DAB1: variants seen among roughly 807,000 people sequenced by gnomAD.
DAB1 encodes the protein disabled homolog 1.
In DAB1, 15 loss-of-function variants were observed where a neutral mutation model predicts 64.6. The observed-to-expected ratio is 0.23, with a 90% CI of 0.16 to 0.36. The LOEUF (loss-of-function observed/expected upper bound fraction) is 0.36, where lower values mean the gene tolerates loss of function less well. DAB1 is among the 10% of genes least tolerant of loss of function. The probability of loss-of-function intolerance (pLI) is 1.00; values close to 1 mark genes in which losing one functional copy is unlikely to be tolerated. For synonymous variants in DAB1, 235 were observed against 251.9 expected, an observed-to-expected ratio of 0.93 and a Z score of 0.64; for missense variants, 596 against 706.7, an observed-to-expected ratio of 0.84 and a Z score of 1.78.
chr1:57,839,050 G>A (rs1272366573), intron 1 of DAB1, among the ~76,000 whole-genome samples: 1 of 151,976 alleles, frequency 6.6e-6, no homozygotes, highest in Non-Finnish European at 1.5e-5. Context: ...CAAAGTTGTA[G>A]GATTACACGC....
chr1:57,102,752 T>C (rs1654795215), intron 4 of DAB1, among the ~76,000 whole-genome samples: 1 of 152,156 alleles, frequency 6.6e-6, no homozygotes, highest in Non-Finnish European at 1.5e-5. Flanking sequence ...CTGTTTTAAA[T>C]GGAAAAAAAA....
intron 5 of DAB1, among the ~76,000 whole-genome samples, chr1:58,070,716 G>A (rs962623882): frequency 2.0e-5 from 3 of 152,198 alleles, no homozygotes; most frequent in African/African-American, 7.2e-5. Context: ...GACTCATCAG[G>A]ATGCTGAATC....
intron 1 of DAB1, among the ~76,000 whole-genome samples, chr1:57,302,560 T>C (rs2100703304): frequency 6.6e-6 from 1 of 152,210 alleles, no homozygotes; most frequent in Middle Eastern, 3.4e-3. Context: ...CCCTGGATTC[T>C]TATTTAATTG....
intron 1 of DAB1, among the ~76,000 whole-genome samples, chr1:57,398,262 T>G (rs1682969522): frequency 6.6e-6 from 1 of 152,138 alleles, no homozygotes; most frequent in African/African-American, 2.4e-5. Context: ...ACAACATGTA[T>G]ATGAATAACT....
chr1:57,977,215 G>A (rs972219533), intron 5 of DAB1, among the ~76,000 whole-genome samples: 1 of 152,146 alleles, frequency 6.6e-6, no homozygotes, highest in Non-Finnish European at 1.5e-5. Context: ...GCCCACTGGT[G>A]TTTGTTCAAG....
chr1:58,144,365 T>C (rs1654473442), intron 5 of DAB1, among the ~76,000 whole-genome samples: 1 of 152,224 alleles, frequency 6.6e-6, no homozygotes, highest in Non-Finnish European at 1.5e-5. Flanking sequence ...TACTTCAAAA[T>C]AACAATTATC....
At chr1:57,053,416 T>G (rs1230728296) in intron 9 of DAB1, among the ~76,000 whole-genome samples, 2 of 151,744 alleles carry the variant, frequency 1.3e-5, no homozygotes, top group Non-Finnish European at 2.9e-5. Flanking sequence ...CCCGGCTAAT[T>G]GTTTTATTTT....
At chr1:58,287,443 T>C (rs1661711446) in intron 4 of DAB1, among the ~76,000 whole-genome samples, 1 of 152,126 alleles carries the variant, frequency 6.6e-6, no homozygotes, top group African/African-American at 2.4e-5. Context: ...TTATAGTCAG[T>C]GGCTGGAGCC....
rs542394371 is a variant in DAB1 at position 58,056,202 on chromosome 1, C to T, written n.387+94309G>A. 1.3e-4 allele frequency: 205 copies of T among 1,525,774 alleles called. 1 individual carries two copies. Among genetic ancestry groups the T allele is most frequent in the Non-Finnish European group, 1.6e-4 (179 of 1,114,986 alleles). 94.5% of individuals were successfully genotyped at this position (1,525,774 alleles called of 1,614,324 possible). Reference sequence around the variant, plus strand: ...TAAATCGGGATGGGGGTGTTCGGTCCTTGCGGGCTTCACGAGATCGATTCC... The same window carrying T: ...TAAATCGGGATGGGGGTGTTCGGTCTTTGCGGGCTTCACGAGATCGATTCC... On this transcript the variant is annotated intron_variant and non_coding_transcript_variant, in intron 5 of 20. Coordinates refer to the DAB1 transcript ENST00000485760.
At chr1:57,463,410 G>C (rs1686853050) in intron 7 of DAB1, among the ~76,000 whole-genome samples, 1 of 152,098 alleles carries the variant, frequency 6.6e-6, no homozygotes, top group African/African-American at 2.4e-5. Flanking sequence ...ACATTTTGAG[G>C]GGTCTTATGT....
chr1:58,530,694 G>A, intron 1 of DAB1: 1 of 872,604 alleles, frequency 1.1e-6, no homozygotes, highest in Non-Finnish European at 2.0e-6. Context: ...TCATACCTAG[G>A]AAATCCAACA....
At chr1:58,493,669 T>A (rs1645741473) in intron 3 of DAB1, among the ~76,000 whole-genome samples, 1 of 151,622 alleles carries the variant, frequency 6.6e-6, no homozygotes, top group Admixed American at 6.6e-5. Context: ...CATTCACAAT[T>A]GCTTCAAAGA....
At position 57,054,213 on chromosome 1, in the gene DAB1, A is replaced by G. The variant is rs141602769; in HGVS notation, c.723+8671T>C. Among the ~76,000 whole-genome samples, 665 of 152,314 alleles carry G rather than the reference A, an allele frequency of 4.4e-3. 1 individual carries two copies. The highest frequency in any genetic ancestry group is 6.0e-3 in the Non-Finnish European group (409 of 68,016). On this transcript the variant is annotated intron_variant, in intron 9 of 14. Coordinates refer to ENST00000371236, the MANE Select transcript of DAB1 (RefSeq NM_001365792.1). ...TAAGTATTTCTCACATGAAAATGAC[A>G]TAAGTTGCACTAAGGTTAAAGTCTG...
At chr1:57,834,549 G>A (rs1293013095) in intron 1 of DAB1, among the ~76,000 whole-genome samples, 1 of 151,950 alleles carries the variant, frequency 6.6e-6, no homozygotes, top group East Asian at 1.9e-4. Context: ...GTTTCAGTCT[G>A]TGAAGGGAAT....
Position 57,172,296 on chromosome 1 carries a change from T to TG in DAB1, c.68-26868dup, listed in dbSNP as rs1250262582. On this transcript the variant is annotated intron_variant, in intron 2 of 14. Coordinates refer to ENST00000371236, the MANE Select transcript of DAB1 (RefSeq NM_001365792.1). ...AGGACTTCAACATATGAATGAGGACTGGGGGGTAGCACAATGCAACCCATG... is the reference window on the plus strand; with the variant it reads ...AGGACTTCAACATATGAATGAGGACTGGGGGGGTAGCACAATGCAACCCATG... Among the ~76,000 whole-genome samples the TG allele has an allele frequency of 7.2e-5, 11 of 152,252 alleles. No homozygotes were observed. In the South Asian group the frequency reaches 2.3e-3, roughly 32 times the overall value.
chr1:57,892,964 T>A (rs558103142), intron 5 of DAB1, among the ~76,000 whole-genome samples: 9 of 152,000 alleles, frequency 5.9e-5, no homozygotes, highest in Non-Finnish European at 1.2e-4. Context: ...CTAAATGGCT[T>A]GTTAAAACAT....
At chr1:58,414,858 T>C (rs1168721981) in intron 3 of DAB1, among the ~76,000 whole-genome samples, 1 of 152,096 alleles carries the variant, frequency 6.6e-6, no homozygotes, top group Non-Finnish European at 1.5e-5. Context: ...ATCTTAGCTA[T>C]TTACAGCCAA....
chr1:58,466,134 G>A (rs2100321190), intron 3 of DAB1, among the ~76,000 whole-genome samples: 1 of 152,248 alleles, frequency 6.6e-6, no homozygotes, highest in East Asian at 1.9e-4. Context: ...GCCACCCCCA[G>A]CCAATGGAGG....
intron 3 of DAB1, among the ~76,000 whole-genome samples, chr1:58,409,196 C>G (rs1448013119): frequency 6.6e-6 from 1 of 152,140 alleles, no homozygotes; most frequent in South Asian, 2.1e-4. Flanking sequence ...AGCATTTGGT[C>G]TGTTTAAATC....
Sources: gnomAD v4.1 joint callset for allele counts (sites outside exome capture counted in the v4.1 genomes callset) on GRCh38, gnomAD v4.1.1 for gene constraint, MANE v1.5 for transcripts, NCBI Gene and HGNC (gene_info 2026-07-23, HGNC 2026-07-21) for gene names.